CIMAP2: variants seen among roughly 807,000 people sequenced by gnomAD.
The protein encoded by CIMAP2 is ciliary microtubule associated protein 2, also known as ciliary microtubule-associated protein 2.
chr1:54,828,091 C>T, the CIMAP2 span, among the ~76,000 whole-genome samples: 1 of 151,792 alleles, frequency 6.6e-6, no homozygotes, highest in South Asian at 2.1e-4. Context: ...GAGGTTGTAG[C>T]AAAAGCAATA....
chr1:54,815,218 C>G, the CIMAP2 span, among the ~76,000 whole-genome samples: 8 of 152,226 alleles, frequency 5.3e-5, no homozygotes, highest in Admixed American at 2.0e-4. Context: ...CATTGGTTCT[C>G]AAACTTGAAC....
chr1:54,834,560 C>G, the CIMAP2 span, among the ~76,000 whole-genome samples: 3 of 152,102 alleles, frequency 2.0e-5, no homozygotes, highest in Non-Finnish European at 4.4e-5. Context: ...TTGAGTCTCT[C>G]TTGTCTGAAA....
chr1:54,841,198 C>T, the CIMAP2 span, among the ~76,000 whole-genome samples: 4 of 152,142 alleles, frequency 2.6e-5, no homozygotes, highest in Non-Finnish European at 4.4e-5. Context: ...GCAAGTCCTG[C>T]GTTCATGGAG....
At chr1:54,814,324 A>C in the CIMAP2 span, among the ~76,000 whole-genome samples, 1 of 152,246 alleles carries the variant, frequency 6.6e-6, no homozygotes, top group East Asian at 1.9e-4. Context: ...TGGGCAGGGG[A>C]AACTGGAGCA....
At chr1:54,807,310 T>A in the CIMAP2 span, among the ~76,000 whole-genome samples, 1 of 152,224 alleles carries the variant, frequency 6.6e-6, no homozygotes, top group African/African-American at 2.4e-5. Flanking sequence ...GGAGTTGTTA[T>A]ACCTTCCTGC....
chr1:54,809,166 C>T, the CIMAP2 span, among the ~76,000 whole-genome samples: 1 of 152,176 alleles, frequency 6.6e-6, no homozygotes, highest in African/African-American at 2.4e-5. Context: ...TGCAATCACT[C>T]CAGATGAGGC....
At chr1:54,811,765 G>GCGGGGGGGGGGGGGGC in the CIMAP2 span, 2 of 1,301,328 alleles carry the variant, frequency 1.5e-6, no homozygotes, top group Non-Finnish European at 2.2e-6. Flanking sequence ...GGTTCTGACA[G>GCGGGGGGGGGGGGGGC]CCTCCATGCC....
the CIMAP2 span, chr1:54,811,762 A>T: frequency 7.9e-7 from 1 of 1,258,436 alleles, no homozygotes. Context: ...AGTGGTTCTG[A>T]CAGCCTCCAT....
the CIMAP2 span, chr1:54,807,996 C>G: frequency 6.3e-7 from 1 of 1,580,658 alleles, no homozygotes; most frequent in Non-Finnish European, 8.6e-7. Context: ...AGGTTCGCTT[C>G]CGAGGACTCA....
the CIMAP2 span, among the ~76,000 whole-genome samples, chr1:54,832,881 G>T: frequency 6.6e-6 from 1 of 152,060 alleles, no homozygotes; most frequent in Non-Finnish European, 1.5e-5. Flanking sequence ...TTAAAAATTA[G>T]CTGGGTGTGG....
At chr1:54,816,915 G>A in the CIMAP2 span, 1 of 1,568,664 alleles carries the variant, frequency 6.4e-7, no homozygotes. Flanking sequence ...AAGCGTCCAA[G>A]GGGAGGAGAG....
At chr1:54,812,511 G>T in the CIMAP2 span, among the ~76,000 whole-genome samples, 1 of 152,240 alleles carries the variant, frequency 6.6e-6, no homozygotes, top group Non-Finnish European at 1.5e-5. Context: ...GGGGAGCTTG[G>T]CCATGAGGAA....
the CIMAP2 span, chr1:54,807,194 T>C: frequency 8.2e-6 from 10 of 1,216,204 alleles, no homozygotes; most frequent in African/African-American, 1.3e-4. Context: ...CTTTCTACCT[T>C]CTTCCAGCAC....
chr1:54,841,269 C>T, the CIMAP2 span, among the ~76,000 whole-genome samples: 2 of 152,178 alleles, frequency 1.3e-5, no homozygotes, highest in African/African-American at 4.8e-5. Context: ...AACGTAAGGG[C>T]TGGCAGATGC....
the CIMAP2 span, chr1:54,841,810 C>A: frequency 6.4e-7 from 1 of 1,571,152 alleles, no homozygotes; most frequent in Non-Finnish European, 8.6e-7. Flanking sequence ...GGGAAAGGAT[C>A]ACACCATTTA....
the CIMAP2 span, chr1:54,811,980 G>A: frequency 6.2e-7 from 1 of 1,614,082 alleles, no homozygotes; most frequent in Non-Finnish European, 8.5e-7. Flanking sequence ...TCCTGCAGGG[G>A]CACTCCCAGG....
At chr1:54,820,009 T>TTCC in the CIMAP2 span, among the ~76,000 whole-genome samples, 246 of 121,956 alleles carry the variant, frequency 2.0e-3, 5 homozygotes, top group African/African-American at 7.8e-3. Context: ...CTCCCTCTCT[T>TTCC]TTCCTTCTTT....
At chr1:54,807,661 C>T in the CIMAP2 span, 57 of 1,605,080 alleles carry the variant, frequency 3.6e-5, 1 homozygote, top group South Asian at 6.0e-4. Context: ...CTTCCAGTAC[C>T]AGGCCATCAT....
At chr1:54,815,969 C>T in the CIMAP2 span, among the ~76,000 whole-genome samples, 3 of 151,952 alleles carry the variant, frequency 2.0e-5, no homozygotes, top group Admixed American at 1.3e-4. Context: ...GTGACTGATT[C>T]TTGTGAGGAC....
Sources: gnomAD v4.1 joint callset for allele counts (sites outside exome capture counted in the v4.1 genomes callset) on GRCh38, gnomAD v4.1.1 for gene constraint, MANE v1.5 for transcripts, NCBI Gene and HGNC (gene_info 2026-07-23, HGNC 2026-07-21) for gene names.